The following KIFAP3 variants were observed in gnomAD, a reference collection of about 807,000 sequenced individuals.
KIFAP3 encodes kinesin-associated protein 3.
In KIFAP3, 68 loss-of-function variants were observed where a neutral mutation model predicts 106.5. That is an observed-to-expected ratio of 0.64 (90% confidence interval 0.53 to 0.78). KIFAP3 has a LOEUF of 0.78. KIFAP3 is among the 30% of genes least tolerant of loss of function. The probability of loss-of-function intolerance (pLI) is 0.00; values close to 1 mark genes in which losing one functional copy is unlikely to be tolerated. For missense variants in KIFAP3, 780 were observed against 941.8 expected, an observed-to-expected ratio of 0.83 and a Z score of 2.25; for synonymous variants, 320 against 311.5, an observed-to-expected ratio of 1.03 and a Z score of -0.29.
At chr1:169,975,068 G>T (rs1322803715) in intron 16 of KIFAP3, among the ~76,000 whole-genome samples, 1 of 151,936 alleles carries the variant, frequency 6.6e-6, no homozygotes, top group Non-Finnish European at 1.5e-5. Context: ...TTGTTATACT[G>T]TATTTTCTGT....
chr1:170,023,353 T>G (rs1317317034), intron 9 of KIFAP3, among the ~76,000 whole-genome samples: 1 of 152,066 alleles, frequency 6.6e-6, no homozygotes, highest in Non-Finnish European at 1.5e-5. Context: ...CCTAGTTCAT[T>G]TGATTTTAAA....
rs2050650 is a variant in KIFAP3 at position 170,063,394 on chromosome 1, C to T, written c.33-7958G>A. Among the ~76,000 whole-genome samples the T allele has an allele frequency of 7.2e-3, 1,091 of 152,326 alleles. 17 individuals carry two copies. Among genetic ancestry groups the T allele is most frequent in the African/African-American group, 0.024 (1,000 of 41,568 alleles). Reference sequence around the variant, plus strand: ...TGGTTCTGTGATCCCCACCCAGGAACTGACTCAGCACAAGAAGATAGCTAA... The same window carrying T: ...TGGTTCTGTGATCCCCACCCAGGAATTGACTCAGCACAAGAAGATAGCTAA... On this transcript the variant is annotated intron_variant, in intron 1 of 19. Coordinates refer to ENST00000361580, the MANE Select transcript of KIFAP3 (RefSeq NM_014970.4).
At chr1:170,013,602 G>A (rs184450236) in intron 10 of KIFAP3, among the ~76,000 whole-genome samples, 4 of 151,914 alleles carry the variant, frequency 2.6e-5, no homozygotes, top group Admixed American at 2.6e-4. Context: ...CACAATCCTA[G>A]CTCTAATCAA....
At chr1:169,989,118 A>G (rs954782507) in intron 11 of KIFAP3, among the ~76,000 whole-genome samples, 1 of 152,022 alleles carries the variant, frequency 6.6e-6, no homozygotes, top group Admixed American at 6.6e-5. Flanking sequence ...TGCTCCTGAA[A>G]AGGTATGGGA....
intron 1 of KIFAP3, among the ~76,000 whole-genome samples, chr1:170,065,893 T>A (rs1489415308): frequency 6.6e-6 from 1 of 152,158 alleles, no homozygotes; most frequent in Admixed American, 6.5e-5. Context: ...TGGACATTAT[T>A]GTTTTGGATC....
intron 19 of KIFAP3, among the ~76,000 whole-genome samples, chr1:169,934,123 G>T (rs1480514821): frequency 6.6e-6 from 1 of 152,086 alleles, no homozygotes; most frequent in Non-Finnish European, 1.5e-5. Context: ...TCTGCCTAAT[G>T]ATCTAGACAG....
At chr1:169,948,171 T>G (rs1664540208) in intron 19 of KIFAP3, among the ~76,000 whole-genome samples, 1 of 151,888 alleles carries the variant, frequency 6.6e-6, no homozygotes, top group South Asian at 2.1e-4. Context: ...TATTACCAAA[T>G]GCCTTTCATA....
Position 169,978,085 on chromosome 1 carries a change from G to C in KIFAP3, c.1897C>G (p.Gln633Glu). The change falls in exon 16 of 20, where the codon CAG becomes GAG. Residue 633 changes from glutamine to glutamate, a missense_variant and splice_region_variant. Transcript: ENST00000361580. ...ATRDVIIKET[Q>E]APAYLIDLMH... is the part of the protein sequence containing the mutation. The stretch of plus-strand genomic sequence containing the variant: ...TCTACGGTAAACACTGAAAGGATAC[G>C]TGTTTCCTTGATTATGACGTCTCTT... 6.4e-7 allele frequency: 1 copy of C among 1,573,608 alleles called. No homozygotes were observed.
chr1:169,972,581 T>C lies in KIFAP3; in HGVS notation c.1915A>G (p.Ile639Val), dbSNP rs1320897881. 1 of 1,563,640 alleles carries C rather than the reference T, an allele frequency of 6.4e-7. No individual in the cohort carries two copies. The highest frequency in any genetic ancestry group is 8.8e-7 in the Non-Finnish European group (1 of 1,140,452). Residue 639 changes from isoleucine (I) to valine (V), a missense_variant, in exon 17 of 20, where the codon ATA becomes GTA. Physicochemically the swap from Ile to Val is conservative, Grantham distance 29. Transcript: ENST00000361580. ...IKETQAPAYL[I>V]DLMHDKNNEI... is the part of the protein sequence containing the mutation. ...TTATTCTTATCATGCATTAGGTCTA[T>C]GAGATATGCTGGAGCCTCTGAATAA...
chr1:170,051,520 C>T (rs1670574654), intron 2 of KIFAP3, among the ~76,000 whole-genome samples: 1 of 152,220 alleles, frequency 6.6e-6, no homozygotes. Context: ...GAACTCTCTA[C>T]TCCAAATAAA....
At chr1:170,074,804 GTT>G, upstream of KIFAP3, 4 of 1,183,234 alleles carry the variant, frequency 3.4e-6, no homozygotes, top group Non-Finnish European at 4.3e-6. Flanking sequence ...GAGCAGGGAA[GTT>G]TTGGTGCAGT....
chr1:170,067,612 A>G (rs1671507922), intron 1 of KIFAP3: 1 of 152,192 alleles, frequency 6.6e-6, no homozygotes, highest in South Asian at 2.1e-4. Context: ...CTTGCTCCCA[A>G]GGAATTTTGT....
Position 169,978,093 on chromosome 1 carries a change from T to C in KIFAP3, c.1889A>G (p.Lys630Arg), listed in dbSNP as rs768796119. ...AAACACTGAAAGGATACGTGTTTCC[T>C]TGATTATGACGTCTCTTGTGGCTTG... The part of the protein sequence containing the change: ...FHQATRDVII[K>R]ETQAPAYLID... The change falls in exon 16 of 20, where the codon AAG (lysine) becomes AGG (arginine). Residue 630 changes from lysine (K) to arginine (R), a missense_variant. Around this residue, in one of 3 missense-constraint regions of KIFAP3, gnomAD observed 78 missense variants for 140.6 expected, o/e 0.55. Transcript: ENST00000361580. 5 of 1,600,572 alleles carry C rather than the reference T, an allele frequency of 3.1e-6. No individual in the cohort carries two copies. The highest frequency in any genetic ancestry group is 1.7e-6 in the Non-Finnish European group (2 of 1,168,236).
chr1:169,995,919 G>A (rs1267263336), intron 10 of KIFAP3, among the ~76,000 whole-genome samples: 1 of 150,770 alleles, frequency 6.6e-6, no homozygotes, highest in African/African-American at 2.4e-5. Context: ...CATATAGCTT[G>A]TGTGTGTGTG....
At position 169,981,950 on chromosome 1, in the gene KIFAP3, AAAAT is replaced by A. The variant is rs754680940; in HGVS notation, c.1798+18_1798+21del. 4.4e-6 allele frequency: 7 copies of A among 1,587,428 alleles called. No individual in the cohort carries two copies. Among genetic ancestry groups the A allele is most frequent in the Non-Finnish European group, 5.2e-6 (6 of 1,161,232 alleles). Reference sequence around the variant, plus strand: ...AATAAGCTGTTTAGACATTAACATAAAAATAAATTAAGGTTATTTACCATTTAGC... The same window carrying A: ...AATAAGCTGTTTAGACATTAACATAAAAATTAAGGTTATTTACCATTTAGC... On this transcript the variant is annotated intron_variant, in intron 15 of 19. Transcript: ENST00000361580.
chr1:169,974,532 T>C (rs1336704034), intron 16 of KIFAP3, among the ~76,000 whole-genome samples: 1 of 151,874 alleles, frequency 6.6e-6, no homozygotes, highest in East Asian at 1.9e-4. Flanking sequence ...CTTACTATTT[T>C]TTTTTAGGGT....
chr1:170,045,629 T>C (rs1438903477), intron 3 of KIFAP3, among the ~76,000 whole-genome samples: 3 of 152,232 alleles, frequency 2.0e-5, no homozygotes, highest in African/African-American at 4.8e-5. Flanking sequence ...TGTTACTAGA[T>C]TCTAGTCTTA....
intron 10 of KIFAP3, among the ~76,000 whole-genome samples, chr1:170,012,865 C>G (rs1362962271): frequency 1.3e-5 from 2 of 152,074 alleles, no homozygotes; most frequent in Non-Finnish European, 2.9e-5. Context: ...GGGGAACTCC[C>G]ATTTATAAAA....
At chr1:170,064,939 A>AAGGAAAT (rs1263495626) in intron 1 of KIFAP3, among the ~76,000 whole-genome samples, 1 of 152,184 alleles carries the variant, frequency 6.6e-6, no homozygotes, top group Non-Finnish European at 1.5e-5. Context: ...TTCCTTTCTA[A>AAGGAAAT]TGTCCTTTTT....
Sources: gnomAD v4.1 joint callset for allele counts (sites outside exome capture counted in the v4.1 genomes callset) on GRCh38, gnomAD v4.1.1 for gene constraint, gnomAD v4.1.1 regional missense constraint, MANE v1.5 for transcripts, NCBI Gene and HGNC (gene_info 2026-07-23, HGNC 2026-07-21) for gene names.